Variants in SGSM1 observed in about 807,000 individuals in gnomAD.
SGSM1 encodes small G protein signaling modulator 1.
SGSM1 carries 73 observed loss-of-function variants against 133.8 expected under a neutral mutation model. The ratio of observed to expected loss-of-function variants is 0.55; its 90% CI spans 0.45 to 0.66. The LOEUF (loss-of-function observed/expected upper bound fraction) is 0.66. Among genes scored for constraint, SGSM1 ranks in the 30% least tolerant of loss-of-function variants. SGSM1 has a pLI of 0.00. For synonymous variants in SGSM1, 563 were observed against 573.0 expected (o/e 0.98, Z 0.25); for missense variants, 1,213 against 1,448.1 (o/e 0.84, Z 2.64).
chr22:24,840,921 G>A lies in SGSM1; in HGVS notation c.64-3976G>A, dbSNP rs183640116. On this transcript the variant is annotated intron_variant, in intron 2 of 24. Transcript: ENST00000400358. ...GCCGGACTGCAGTGGCGCTATCTCG[G>A]CTCACTGCAAGCTCCGCCACCCGGG... Among the ~76,000 whole-genome samples the A allele has an allele frequency of 1.8e-4, 27 of 152,228 alleles. No individual in the cohort carries two copies. In the East Asian group the frequency reaches 4.8e-3, roughly 27 times the overall value.
rs192171705 is a variant in SGSM1 at position 24,912,041 on chromosome 22, C to G, written c.2819-602C>G. 2.2e-5 allele frequency among the ~76,000 whole-genome samples: 3 copies of G among 139,374 alleles called. No homozygotes were observed. The East Asian group carries it at 6.3e-4, about 29-fold the overall frequency. The allele number at this position is 139,374 out of a possible 152,430, so 91.4% of individuals were successfully genotyped here. A position where few individuals can be genotyped will look rare whatever the true frequency, so the allele number is the denominator to read the frequency against. On this transcript the variant is annotated intron_variant, in intron 21 of 24. Coordinates refer to ENST00000400358, the MANE Select transcript of SGSM1 (RefSeq NM_001098497.3). ...CTGCACTCCAGCCTGGGCGACAGAG[C>G]GAGATTCTGTCTTAAAAAAAAAGGA... is the stretch of plus-strand genomic sequence containing the variant.
At chr22:24,846,398 G>GTGTATATATACATATATA (rs1025352121) in intron 3 of SGSM1, among the ~76,000 whole-genome samples, 3 of 151,800 alleles carry the variant, frequency 2.0e-5, no homozygotes, top group African/African-American at 7.3e-5. Context: ...ATATATGTAT[G>GTGTATATATACATATATA]TGTATATATA....
rs116754229 is a variant in SGSM1, at chr22:24,835,197, C to A, written c.64-9700C>A. The stretch of plus-strand genomic sequence containing the variant: ...GATGCAGGGAGGTGGGATGCACAGA[C>A]CAGATGTAACTTGTTCCAGGGCAGC... On this transcript the variant is annotated intron_variant, in intron 2 of 24. Transcript: ENST00000400358. Among the ~76,000 whole-genome samples, 958 of 152,262 alleles carry A rather than the reference C, an allele frequency of 6.3e-3. 11 individuals carry two copies. Among genetic ancestry groups the A allele is most frequent in the African/African-American group, 0.022 (920 of 41,540 alleles).
At chr22:24,904,999 G>A in intron 20 of SGSM1, 106 bp from the exon 21 acceptor site, 1 of 865,110 alleles carries the variant, frequency 1.2e-6, no homozygotes, top group Non-Finnish European at 2.0e-6. Context: ...GGCTGAGGGA[G>A]GGGTCCAGGT....
At chr22:24,873,022 G>A (rs1191703286) in intron 12 of SGSM1, among the ~76,000 whole-genome samples, 9 of 151,646 alleles carry the variant, frequency 5.9e-5, no homozygotes, top group East Asian at 5.8e-4. Context: ...GCAGTGGTGC[G>A]ATCATGGCTC....
At chr22:24,850,489 T>C (rs970815277) in intron 5 of SGSM1, 57 bp downstream of exon 5, 9 of 1,591,952 alleles carry the variant, frequency 5.7e-6, no homozygotes, top group Admixed American at 1.7e-5. Context: ...CCGGCCGTTG[T>C]GGAAATTGCA....
In SGSM1 at chr22:24,898,171, C is replaced by G. The variant is rs747479512; in HGVS notation, c.2222C>G (p.Ala741Gly). ...AGCACAGAAGACAGTGTCTTGGACG[C>G]CCAGCGGAACACCCCCACGGTGCTG... ...SLSTEDSVLD[A>G]QRNTPTVLRP... The change falls in exon 19 of 25, where the codon GCC becomes GGC. Residue 741 changes from alanine (A) to glycine (G), a missense_variant. Ala to Gly is a moderately conservative substitution (Grantham distance 60, BLOSUM62 0). Transcript: ENST00000400358. 1 of 1,613,990 alleles carries G rather than the reference C, an allele frequency of 6.2e-7. No homozygotes were observed. Among genetic ancestry groups the G allele is most frequent in the Non-Finnish European group, 8.5e-7 (1 of 1,179,888 alleles).
chr22:24,817,154 G>T (rs530305705), intron 2 of SGSM1, among the ~76,000 whole-genome samples: 149 of 152,278 alleles, frequency 9.8e-4, no homozygotes, highest in African/African-American at 3.5e-3. Context: ...CCTGCATTTG[G>T]AGCTCAGCCT....
chr22:24,853,795 T>G (rs1930623276), intron 5 of SGSM1, among the ~76,000 whole-genome samples: 1 of 147,292 alleles, frequency 6.8e-6, no homozygotes, highest in Admixed American at 6.7e-5. Context: ...TTTTTTGTAT[T>G]TTTAGTAGGT....
At chr22:24,812,169 CAAAAAAAG>C (rs1254699484) in intron 2 of SGSM1, among the ~76,000 whole-genome samples, 2 of 70,036 alleles carry the variant, frequency 2.9e-5, no homozygotes, top group Admixed American at 1.7e-4. Context: ...GACTCCGTCT[CAAAAAAAG>C]AAAAAAAAAA....
In SGSM1 at chr22:24,860,176, A is replaced by G. The variant is rs186403922; in HGVS notation, c.926+336A>G. 9.8e-5 allele frequency among the ~76,000 whole-genome samples: 15 copies of G among 152,292 alleles called. No homozygotes were observed. In the East Asian group the frequency reaches 2.7e-3, roughly 27 times the overall value. On this transcript the variant is annotated intron_variant, in intron 9 of 24. Transcript: ENST00000400358. ...CAGTCTCTGTCTTCCCTCTCCCATCATTCAATAAAAAGGGAAGGCAGGAGG... is the reference window on the plus strand; with the variant it reads ...CAGTCTCTGTCTTCCCTCTCCCATCGTTCAATAAAAAGGGAAGGCAGGAGG...
At chr22:24,918,428 G>A (rs1233615677) in intron 23 of SGSM1, among the ~76,000 whole-genome samples, 1 of 151,102 alleles carries the variant, frequency 6.6e-6, no homozygotes, top group East Asian at 1.9e-4. Context: ...CCTGGGAGGC[G>A]GAGGTTGCAG....
chr22:24,860,914 AAAAAAAAAATATAT>A (rs1372333009), intron 9 of SGSM1, among the ~76,000 whole-genome samples: 38 of 95,986 alleles, frequency 4.0e-4, no homozygotes, highest in Admixed American at 1.6e-3. Context: ...AAAAAAAAAA[AAAAAAAAAATATAT>A]ATATATATAT....
At chr22:24,821,966 G>A (rs1928498697) in intron 2 of SGSM1, among the ~76,000 whole-genome samples, 1 of 151,954 alleles carries the variant, frequency 6.6e-6, no homozygotes, top group Non-Finnish European at 1.5e-5. Flanking sequence ...GTTCACTCTT[G>A]GTGCTGTGCG....
At chr22:24,923,934 T>C (rs950505392) in intron 24 of SGSM1, among the ~76,000 whole-genome samples, 2 of 152,284 alleles carry the variant, frequency 1.3e-5, no homozygotes, top group Middle Eastern at 3.4e-3. Context: ...CCTCACCTTT[T>C]TATGGCACAT....
At chr22:24,836,591 T>G (rs1037545773) in intron 2 of SGSM1, among the ~76,000 whole-genome samples, 4 of 152,228 alleles carry the variant, frequency 2.6e-5, no homozygotes, top group Admixed American at 1.3e-4. Flanking sequence ...TTCCAGTTTC[T>G]CCACATCCCC....
intron 2 of SGSM1, among the ~76,000 whole-genome samples, chr22:24,823,429 G>A (rs1309798097): frequency 6.6e-6 from 1 of 151,640 alleles, no homozygotes; most frequent in African/African-American, 2.4e-5. Context: ...GTGAAACCCT[G>A]TCTCTAATAA....
intron 2 of SGSM1, among the ~76,000 whole-genome samples, chr22:24,817,171 C>T (rs1210362940): frequency 6.6e-6 from 1 of 152,158 alleles, no homozygotes; most frequent in African/African-American, 2.4e-5. Context: ...GCCTGTGATG[C>T]GGGAGGTATA....
chr22:24,881,154 C>T (rs112762958), intron 14 of SGSM1, among the ~76,000 whole-genome samples: 2,654 of 134,892 alleles, frequency 0.02, 268 homozygotes, highest in African/African-American at 0.072. Context: ...GATTGCGCCA[C>T]TGCACTCCAG....
Sources: gnomAD v4.1 joint callset for allele counts (sites outside exome capture counted in the v4.1 genomes callset) on GRCh38, gnomAD v4.1.1 for gene constraint, MANE v1.5 for transcripts, NCBI Gene and HGNC (gene_info 2026-07-23, HGNC 2026-07-21) for gene names.